The following AMZ1 variants were observed in gnomAD, a reference collection of about 807,000 sequenced individuals.
AMZ1 encodes archaelysin family metallopeptidase 1, also known as archaemetzincin-1.
AMZ1 carries 39 observed loss-of-function variants against 29.9 expected under a neutral mutation model. That is an observed-to-expected ratio of 1.30 (90% confidence interval 1.01 to 1.70). AMZ1 has a LOEUF of 1.70. Among genes scored for constraint, AMZ1 ranks in the 40% most tolerant of loss-of-function variants. The probability of loss-of-function intolerance (pLI) is 0.00; values close to 1 mark genes in which losing one functional copy is unlikely to be tolerated. For synonymous variants in AMZ1, 458 were observed against 304.0 expected (o/e 1.51, Z -5.27); for missense variants, 1,041 against 680.6 (o/e 1.53, Z -5.89).
At chr7:2,739,667 TC>T (rs1278343075) in intron 4 of AMZ1, among the ~76,000 whole-genome samples, 1 of 152,142 alleles carries the variant, frequency 6.6e-6, no homozygotes, top group Non-Finnish European at 1.5e-5. Flanking sequence ...AACTGTAGCA[TC>T]CTATGGTAGT....
intron 4 of AMZ1, among the ~76,000 whole-genome samples, chr7:2,748,373 G>C (rs1421689854): frequency 6.6e-6 from 1 of 152,202 alleles, no homozygotes; most frequent in African/African-American, 2.4e-5. Context: ...ACAACTATCT[G>C]ATCTTTGACA....
intron 4 of AMZ1, among the ~76,000 whole-genome samples, chr7:2,748,611 A>G (rs916600979): frequency 1.1e-4 from 17 of 152,310 alleles, no homozygotes; most frequent in Admixed American, 5.2e-4. Context: ...CAAGGACTTC[A>G]TGTCTAAAAC....
chr7:2,701,237 AAAG>A (rs1416257777), intron 2 of AMZ1, among the ~76,000 whole-genome samples: 221 of 143,470 alleles, frequency 1.5e-3, no homozygotes, highest in African/African-American at 6.5e-3. Flanking sequence ...TCAAAAAAAA[AAAG>A]ACCACTTTCT....
At chr7:2,758,656 C>T (rs750584711) in intron 4 of AMZ1, among the ~76,000 whole-genome samples, 1 of 152,206 alleles carries the variant, frequency 6.6e-6, no homozygotes, top group Non-Finnish European at 1.5e-5. Flanking sequence ...GCCCCCACAG[C>T]ACACTTGGAG....
Position 2,709,808 on chromosome 7 carries a change from A to C in AMZ1, c.940A>C (p.Arg314=), listed in dbSNP as rs1788646991. The change falls in exon 6 of 7, where the codon AGG becomes CGG. Residue 314 remains arginine, a synonymous_variant. Coordinates refer to ENST00000683327, the MANE Select transcript of AMZ1 (RefSeq NM_001384743.1). The stretch of plus-strand genomic sequence containing the variant: ...TGTCCTGGGTTTCAGGCTCATCGAG[A>C]GGTACCAGGTGAGTGGCTGAGTTGC... ...QHVLGFRLIE[R]YQRLYTWTQA... is the part of the protein sequence containing the mutation. 6.2e-7 allele frequency: 1 copy of C among 1,611,730 alleles called. No homozygotes were observed. Among genetic ancestry groups the C allele is most frequent in the South Asian group, 1.1e-5 (1 of 90,990 alleles).
Position 2,713,359 on chromosome 7 carries a change from T to G in AMZ1, c.*481T>G, listed in dbSNP as rs1276734340. ...TGCACACATGGAGAGGCCTCCCTGA[T>G]CCTGGGTGCTTCTCGTGGAGTACAA... On this transcript the variant is annotated 3_prime_UTR_variant, in exon 7 of 7. Coordinates refer to ENST00000683327, the MANE Select transcript of AMZ1 (RefSeq NM_001384743.1). 6.5e-6 allele frequency: 1 copy of G among 152,778 alleles called. No individual in the cohort carries two copies. The highest frequency in any genetic ancestry group is 6.5e-5 in the Admixed American group (1 of 15,284). 9.5% of individuals were successfully genotyped at this position (152,778 alleles called of 1,614,324 possible). A position where few individuals can be genotyped will look rare whatever the true frequency, so the allele number is the denominator to read the frequency against.
intron 1 of AMZ1, among the ~76,000 whole-genome samples, chr7:2,694,480 A>T (rs927967850): frequency 6.6e-6 from 1 of 152,052 alleles, no homozygotes; most frequent in Non-Finnish European, 1.5e-5. Context: ...ATTTTCATAG[A>T]GTAGAGATGA....
chr7:2,752,463 C>T (rs530960738), intron 4 of AMZ1, among the ~76,000 whole-genome samples: 8 of 152,038 alleles, frequency 5.3e-5, no homozygotes, highest in African/African-American at 9.7e-5. Flanking sequence ...AGCAAGCAAG[C>T]GAACAAATGA....
chr7:2,696,406 G>C (rs74907451), intron 1 of AMZ1, among the ~76,000 whole-genome samples: 19,826 of 150,688 alleles, frequency 0.13, 1,484 homozygotes, highest in East Asian at 0.23. Context: ...ACAGGCGCCC[G>C]CCACCACGCC....
upstream of AMZ1, among the ~76,000 whole-genome samples, chr7:2,686,626 G>A (rs1381694178): frequency 6.6e-6 from 1 of 152,182 alleles, no homozygotes; most frequent in Admixed American, 6.5e-5. Context: ...CCTCTACACA[G>A]TTGGCTTATG....
upstream of AMZ1, among the ~76,000 whole-genome samples, chr7:2,760,990 C>T (rs926679270): frequency 6.6e-6 from 1 of 152,220 alleles, no homozygotes; most frequent in African/African-American, 2.4e-5. Flanking sequence ...TGCTCTCAGT[C>T]CTCACAGTTC....
At chr7:2,690,515 C>G (rs61604237) in intron 1 of AMZ1, among the ~76,000 whole-genome samples, 1,563 of 152,284 alleles carry the variant, frequency 0.01, 33 homozygotes, top group African/African-American at 0.036. Flanking sequence ...TGTTGATCTT[C>G]CAGCCGGGCT....
chr7:2,706,319 A>G (rs990316753), intron 3 of AMZ1, among the ~76,000 whole-genome samples: 1 of 152,158 alleles, frequency 6.6e-6, no homozygotes, highest in Non-Finnish European at 1.5e-5. Flanking sequence ...GACACGTGCC[A>G]TCACACCTGG....
intron 1 of AMZ1, chr7:2,765,038 A>T (rs1791746413): frequency 6.6e-6 from 1 of 152,262 alleles, no homozygotes; most frequent in Admixed American, 6.5e-5. Context: ...AAGGAAGCAT[A>T]ATCTCAGAAA....
intron 1 of AMZ1, among the ~76,000 whole-genome samples, chr7:2,694,638 C>T (rs1685120859): frequency 2.0e-5 from 3 of 150,388 alleles, no homozygotes; most frequent in Admixed American, 1.3e-4. Context: ...AATATATTAT[C>T]GTATATATTA....
In AMZ1 at chr7:2,695,970, T is replaced by C. The variant is rs184205015; in HGVS notation, c.-218-4264T>C. ...GTTGCAGTGAGCTGAGATAGTGCCATTGGACTCCAGCCTGGGTGACAGAGC... is the reference window on the plus strand; with the variant it reads ...GTTGCAGTGAGCTGAGATAGTGCCACTGGACTCCAGCCTGGGTGACAGAGC... On this transcript the variant is annotated intron_variant, in intron 1 of 6. Coordinates refer to ENST00000683327, the MANE Select transcript of AMZ1 (RefSeq NM_001384743.1). Among the ~76,000 whole-genome samples the C allele has an allele frequency of 7.3e-4, 107 of 147,394 alleles. 1 individual carries two copies. The highest frequency in any genetic ancestry group is 2.6e-3 in the African/African-American group (103 of 39,490).
chr7:2,744,373 T>C (rs1790663807), intron 4 of AMZ1, among the ~76,000 whole-genome samples: 1 of 152,200 alleles, frequency 6.6e-6, no homozygotes, highest in African/African-American at 2.4e-5. Context: ...ATATCCGCTG[T>C]TCTGCAGCCA....
At position 2,715,601 on chromosome 7, in the gene AMZ1, G is replaced by A. The variant is rs2115210135; in HGVS notation, c.*2723G>A. 2 of 152,314 alleles carry A rather than the reference G, an allele frequency of 1.3e-5. No individual in the cohort carries two copies. Among genetic ancestry groups the A allele is most frequent in the Middle Eastern group, 6.8e-3 (2 of 294 alleles). The allele number at this position is 152,314 out of a possible 1,614,324, so 9.4% of individuals were successfully genotyped here. A position where few individuals can be genotyped will look rare whatever the true frequency, so the allele number is the denominator to read the frequency against. Reference sequence around the variant, plus strand: ...CTAAAAAAAACTCCTTTTATCCGCAGCGTTTACCAACTTGCAGATGTCAGT... The same window carrying A: ...CTAAAAAAAACTCCTTTTATCCGCAACGTTTACCAACTTGCAGATGTCAGT... On this transcript the variant is annotated 3_prime_UTR_variant, in exon 7 of 7. Transcript: ENST00000683327.
Position 2,731,078 on chromosome 7 carries a change from TC to T in AMZ1, n.550+21264del. 2 of 743,724 alleles carry T rather than the reference TC, an allele frequency of 2.7e-6. No homozygotes were observed. Among genetic ancestry groups the T allele is most frequent in the South Asian group, 3.5e-5 (2 of 56,342 alleles). The allele number at this position is 743,724 out of a possible 1,614,324, so 46.1% of individuals were successfully genotyped here. A position where few individuals can be genotyped will look rare whatever the true frequency, so the allele number is the denominator to read the frequency against. ...TGAGCCAGGTATTCCAGGGCACGGA[TC>T]CGAGAAACCCACTCAAGGACCACAC... On this transcript the variant is annotated intron_variant and non_coding_transcript_variant, in intron 4 of 4. Transcript: ENST00000489665. This position sits in a 1 kb window ranked among gnomAD's most constrained non-coding sequence, Gnocchi z 6.0.
Sources: gnomAD v4.1 joint callset for allele counts (sites outside exome capture counted in the v4.1 genomes callset) on GRCh38, gnomAD v4.1.1 for gene constraint, Gnocchi (gnomAD v3.1) non-coding constraint, MANE v1.5 for transcripts, NCBI Gene and HGNC (gene_info 2026-07-23, HGNC 2026-07-21) for gene names.